ATRNL1: variants seen among roughly 807,000 people sequenced by gnomAD.
ATRNL1 encodes the protein attractin-like protein 1.
In ATRNL1, 95 loss-of-function variants were observed where a neutral mutation model predicts 182.7. That is an observed-to-expected ratio of 0.52 (90% CI 0.44 to 0.62). The LOEUF (loss-of-function observed/expected upper bound fraction) is 0.62. Among genes scored for constraint, ATRNL1 ranks in the 20% least tolerant of loss-of-function variants. ATRNL1 has a pLI of 0.00. For synonymous variants in ATRNL1, 576 were observed against 568.3 expected (o/e 1.01, Z -0.19); for missense variants, 1,471 against 1,679.5 (o/e 0.88, Z 2.17).
chr10:115,471,252 T>C (rs1156335411), intron 24 of ATRNL1, among the ~76,000 whole-genome samples: 4 of 151,068 alleles, frequency 2.6e-5, no homozygotes, highest in Admixed American at 2.0e-4. Flanking sequence ...CATCTATCCA[T>C]GGACACAGCT....
At chr10:115,246,501 A>G (rs1264817764) in intron 10 of ATRNL1, among the ~76,000 whole-genome samples, 30 of 152,200 alleles carry the variant, frequency 2.0e-4, no homozygotes, top group South Asian at 4.1e-4. Flanking sequence ...TGACCTCAAG[A>G]TAGAAAATCC....
rs1438232110 is a variant in ATRNL1 at position 115,641,371 on chromosome 10, C to T, written c.3796-85877C>T. ...AGCTACCATTTACTTGTTTGATAGG[C>T]TCTACCTCTGTCATGCTTTCACAGA... On this transcript the variant is annotated intron_variant, in intron 26 of 28. Transcript: ENST00000355044. Among the ~76,000 whole-genome samples, 3 of 152,244 alleles carry T rather than the reference C, an allele frequency of 2.0e-5. No individual in the cohort carries two copies. The East Asian group carries it at 5.8e-4, about 29-fold the overall frequency.
chr10:115,925,939 C>T (rs1953217638), intron 28 of ATRNL1, among the ~76,000 whole-genome samples: 1 of 152,134 alleles, frequency 6.6e-6, no homozygotes, highest in South Asian at 2.1e-4. Flanking sequence ...AACTCTCCAC[C>T]CCAAATCAAC....
intron 19 of ATRNL1, among the ~76,000 whole-genome samples, chr10:115,353,554 T>A (rs1187428937): frequency 6.6e-6 from 1 of 152,204 alleles, no homozygotes; most frequent in African/African-American, 2.4e-5. Flanking sequence ...ATTTAGTCCA[T>A]TTACATTCAG....
In ATRNL1 at chr10:115,300,210, A is replaced by T. The variant is rs1435814425; in HGVS notation, c.2592A>T (p.Thr864=). ...CAGGCTTAAAAGCTAATCCTTGTAC[A>T]TCTATGGCAAATGGCCTTGTCTGTG... ...AVAGLKANPC[T]SMANGLVCEK... is the part of the protein sequence containing the mutation. Residue 864 remains threonine, a synonymous_variant, in exon 16 of 29, where the codon ACA becomes ACT. Transcript: ENST00000355044. The T allele has an allele frequency of 1.9e-6, 3 of 1,613,894 alleles. No individual in the cohort carries two copies. Among genetic ancestry groups the T allele is most frequent in the African/African-American group, 1.3e-5 (1 of 74,934 alleles).
chr10:115,334,448 T>A (rs782499331), intron 19 of ATRNL1, 29 bp downstream of exon 19: 2 of 1,486,938 alleles, frequency 1.3e-6, no homozygotes, highest in South Asian at 2.8e-5. Context: ...AATTTTGGTG[T>A]ATTTTTACTA....
chr10:115,416,942 C>T (rs555864532), intron 20 of ATRNL1, among the ~76,000 whole-genome samples: 1 of 152,232 alleles, frequency 6.6e-6, no homozygotes, highest in South Asian at 2.1e-4. Context: ...AGATAACCTA[C>T]TAATATTTCT....
chr10:115,482,478 T>C (rs149466626), intron 24 of ATRNL1, among the ~76,000 whole-genome samples: 3 of 151,170 alleles, frequency 2.0e-5, no homozygotes, highest in Non-Finnish European at 3.0e-5. Context: ...AATGCTTCTT[T>C]TATTAATATA....
At chr10:115,223,512 GA>G (rs1293984915) in intron 9 of ATRNL1, among the ~76,000 whole-genome samples, 3 of 152,034 alleles carry the variant, frequency 2.0e-5, no homozygotes, top group African/African-American at 7.2e-5. Context: ...CCAAACACAA[GA>G]GACAAAACAT....
chr10:115,271,357 A>G (rs147868295), intron 13 of ATRNL1, among the ~76,000 whole-genome samples: 1,991 of 152,184 alleles, frequency 0.013, 41 homozygotes, highest in African/African-American at 0.046. Flanking sequence ...ATATGTATAC[A>G]TGTGCCATGT....
At chr10:115,824,718 G>A (rs543093664) in intron 27 of ATRNL1, among the ~76,000 whole-genome samples, 1 of 152,284 alleles carries the variant, frequency 6.6e-6, no homozygotes, top group Admixed American at 6.5e-5. Flanking sequence ...ACCACAATGA[G>A]ATACCATCTC....
At chr10:115,310,724 G>T (rs1853974459) in intron 17 of ATRNL1, among the ~76,000 whole-genome samples, 1 of 151,972 alleles carries the variant, frequency 6.6e-6, no homozygotes, top group African/African-American at 2.4e-5. Context: ...CCTCTTCTTT[G>T]TTAATCTAGC....
At chr10:115,377,073 A>G (rs1194113843) in intron 19 of ATRNL1, among the ~76,000 whole-genome samples, 1 of 151,882 alleles carries the variant, frequency 6.6e-6, no homozygotes, top group Non-Finnish European at 1.5e-5. Context: ...TTTATTGTTT[A>G]CATTTTCTTA....
chr10:115,870,713 A>T (rs563558009), intron 28 of ATRNL1, among the ~76,000 whole-genome samples: 1 of 152,354 alleles, frequency 6.6e-6, no homozygotes, highest in Non-Finnish European at 1.5e-5. Flanking sequence ...GCAGTAAAAC[A>T]TTAAAATGGC....
Position 115,251,199 on chromosome 10 carries a change from A to T in ATRNL1, c.1687+9474A>T, listed in dbSNP as rs186868586. ...AACTGATGATTTAAATGGAGATTTG[A>T]TGGGGTCCATTATCCTGGCATTATT... is the stretch of plus-strand genomic sequence containing the variant. On this transcript the variant is annotated intron_variant, in intron 10 of 28. Transcript: ENST00000355044. 1.1e-4 allele frequency among the ~76,000 whole-genome samples: 16 copies of T among 152,220 alleles called. No individual in the cohort carries two copies. The East Asian group carries it at 3.1e-3, about 29-fold the overall frequency.
At chr10:115,455,623 A>G (rs1391496246) in intron 21 of ATRNL1, among the ~76,000 whole-genome samples, 1 of 152,216 alleles carries the variant, frequency 6.6e-6, no homozygotes, top group African/African-American at 2.4e-5. Flanking sequence ...ACAAAAGCCA[A>G]AATTGACTAA....
At position 115,559,414 on chromosome 10, in the gene ATRNL1, T is replaced by G. The variant is rs944134516; in HGVS notation, c.3795+9878T>G. ...CCTGACATACTCTCATTCTTGGTGT[T>G]TGTGTGTGTGTGTGTGTGTGTGTGT... On this transcript the variant is annotated intron_variant, in intron 26 of 28. Transcript: ENST00000355044. Among the ~76,000 whole-genome samples the G allele has an allele frequency of 1.6e-4, 24 of 147,666 alleles. No homozygotes were observed. In the East Asian group the frequency reaches 4.1e-3, roughly 25 times the overall value.
intron 28 of ATRNL1, among the ~76,000 whole-genome samples, chr10:115,883,104 C>T (rs1021260561): frequency 6.6e-5 from 10 of 152,160 alleles, no homozygotes; most frequent in African/African-American, 2.2e-4. Flanking sequence ...CAGCGCTGGG[C>T]AGGGCTTTGC....
chr10:115,475,497 T>G (rs1565083045), intron 24 of ATRNL1, among the ~76,000 whole-genome samples: 2 of 151,452 alleles, frequency 1.3e-5, no homozygotes, highest in South Asian at 4.2e-4. Flanking sequence ...CTGTGGCATA[T>G]CTCACTTATT....
Sources: allele counts gnomAD v4.1 joint callset (sites outside exome capture counted in the v4.1 genomes callset), GRCh38; gene constraint gnomAD v4.1.1; transcripts MANE v1.5; gene names NCBI Gene and HGNC (gene_info 2026-07-23, HGNC 2026-07-21).